Variants in KCNMA1 observed in about 807,000 individuals in gnomAD.
KCNMA1 encodes the protein Calcium-activated potassium channel subunit alpha-1.
Under a neutral mutation model 140.0 loss-of-function variants are expected in KCNMA1, and 29 were observed. The observed-to-expected ratio is 0.21, with a 90% CI of 0.15 to 0.28. The LOEUF (loss-of-function observed/expected upper bound fraction) is 0.28, where lower values mean the gene tolerates loss of function less well. KCNMA1 is among the 10% of genes least tolerant of loss of function. The pLI is 1.00. For missense variants in KCNMA1, 880 were observed against 1,602.2 expected (o/e 0.55, Z 7.70); for synonymous variants, 612 against 611.9 (o/e 1.00, Z 0.00).
intron 3 of KCNMA1, among the ~76,000 whole-genome samples, chr10:77,218,979 G>A (rs962781780): frequency 8.5e-5 from 13 of 152,218 alleles, no homozygotes; most frequent in African/African-American, 2.9e-4. Context: ...AAGCTACTGC[G>A]CCTGGCCTTA....
At chr10:76,967,177 C>G (rs1343185367) in intron 20 of KCNMA1, among the ~76,000 whole-genome samples, 3 of 152,166 alleles carry the variant, frequency 2.0e-5, no homozygotes, top group Non-Finnish European at 4.4e-5. Context: ...TGGAGCTATT[C>G]CTGTCACTGC....
chr10:76,909,333 C>T (rs908638978), intron 25 of KCNMA1, among the ~76,000 whole-genome samples: 46 of 152,180 alleles, frequency 3.0e-4, no homozygotes, highest in African/African-American at 1.1e-3. Flanking sequence ...GACCTCCTGC[C>T]GCCATCTTGT....
intron 5 of KCNMA1, among the ~76,000 whole-genome samples, chr10:77,137,459 G>A (rs2098068680): frequency 6.6e-6 from 1 of 152,176 alleles, no homozygotes; most frequent in African/African-American, 2.4e-5. Flanking sequence ...ACTGAGGGCA[G>A]GCATATCAGG....
At chr10:77,123,784 T>A (rs2616640) in intron 5 of KCNMA1, among the ~76,000 whole-genome samples, 1 of 151,904 alleles carries the variant, frequency 6.6e-6, no homozygotes, top group South Asian at 2.1e-4. Flanking sequence ...TATGACAATA[T>A]GTACCAGCAT....
At chr10:76,976,173 C>T (rs1211773899) in intron 19 of KCNMA1, among the ~76,000 whole-genome samples, 3 of 152,146 alleles carry the variant, frequency 2.0e-5, no homozygotes, top group Non-Finnish European at 2.9e-5. Flanking sequence ...CCTGTACTGC[C>T]CTAGGACAGG....
intron 1 of KCNMA1, among the ~76,000 whole-genome samples, chr10:77,552,079 C>T (rs2063000237): frequency 1.3e-5 from 2 of 152,044 alleles, no homozygotes; most frequent in South Asian, 4.2e-4. Flanking sequence ...GCATTTCTGA[C>T]CAGTAAGGAA....
At chr10:77,140,656 TC>T (rs1263573059) in intron 5 of KCNMA1, 1 of 152,314 alleles carries the variant, frequency 6.6e-6, no homozygotes, top group Non-Finnish European at 1.5e-5. Flanking sequence ...GTCACCAGCA[TC>T]TATGTCCTGG....
intron 14 of KCNMA1, among the ~76,000 whole-genome samples, chr10:77,058,062 A>G (rs1025620648): frequency 1.6e-5 from 2 of 128,218 alleles, no homozygotes; most frequent in Non-Finnish European, 3.8e-5. Context: ...AACAAAAAAG[A>G]GGAGAAAAGA....
chr10:77,538,478 C>T (rs938738610), intron 1 of KCNMA1, among the ~76,000 whole-genome samples: 1 of 152,146 alleles, frequency 6.6e-6, no homozygotes, highest in Non-Finnish European at 1.5e-5. Flanking sequence ...CCATCATTAC[C>T]CCCAGCTGGA....
rs540873852 is a variant in KCNMA1 at position 77,201,392 on chromosome 10, A to G, written c.603-16476T>C. On this transcript the variant is annotated intron_variant, in intron 3 of 27. Coordinates refer to ENST00000286628, the MANE Select transcript of KCNMA1 (RefSeq NM_001161352.2). The stretch of plus-strand genomic sequence containing the variant: ...TGTACAAATGCTAACACAGGGAAAA[A>G]GAACCCTCTATACATGGACTTACGG... 2.6e-5 allele frequency among the ~76,000 whole-genome samples: 4 copies of G among 152,330 alleles called. No individual in the cohort carries two copies. The East Asian group carries it at 5.8e-4, about 22-fold the overall frequency.
intron 25 of KCNMA1, among the ~76,000 whole-genome samples, chr10:76,898,798 T>C (rs1186195264): frequency 1.3e-5 from 2 of 151,920 alleles, no homozygotes; most frequent in Non-Finnish European, 2.9e-5. Context: ...CCTTTAATGC[T>C]ATTATTAAAT....
chr10:77,068,547 G>A (rs563235206), intron 14 of KCNMA1, among the ~76,000 whole-genome samples: 2 of 151,264 alleles, frequency 1.3e-5, no homozygotes, highest in South Asian at 2.1e-4. Context: ...TATTGTTATC[G>A]ATATTAAGTA....
chr10:77,508,576 C>CTTTTTTTT (rs2047061603), intron 1 of KCNMA1, among the ~76,000 whole-genome samples: 1 of 91,052 alleles, frequency 1.1e-5, no homozygotes, highest in Non-Finnish European at 1.9e-5. Flanking sequence ...TTTTTTTTTT[C>CTTTTTTTT]TTTTCTTTTT....
At chr10:77,585,898 T>C (rs893367699) in intron 1 of KCNMA1, among the ~76,000 whole-genome samples, 1 of 152,218 alleles carries the variant, frequency 6.6e-6, no homozygotes, top group Non-Finnish European at 1.5e-5. Context: ...AGCAGTGCTA[T>C]TTCTGTAGGG....
intron 22 of KCNMA1, among the ~76,000 whole-genome samples, chr10:76,945,466 T>C (rs1345111421): frequency 6.6e-6 from 1 of 152,082 alleles, no homozygotes; most frequent in East Asian, 1.9e-4. Flanking sequence ...CACAGAGTGA[T>C]GAGGTGGGCC....
intron 2 of KCNMA1, among the ~76,000 whole-genome samples, chr10:77,295,090 G>A (rs1315400794): frequency 6.6e-6 from 1 of 152,150 alleles, no homozygotes; most frequent in Non-Finnish European, 1.5e-5. Flanking sequence ...GCTCAGGACT[G>A]TAATCCCAGC....
At chr10:77,532,815 G>A (rs1274915206) in intron 1 of KCNMA1, among the ~76,000 whole-genome samples, 2 of 152,114 alleles carry the variant, frequency 1.3e-5, no homozygotes, top group Non-Finnish European at 2.9e-5. Context: ...CAGAATGCAA[G>A]TGAAAAAATC....
At chr10:76,982,367 T>A (rs78173575) in intron 19 of KCNMA1, among the ~76,000 whole-genome samples, 1,520 of 150,066 alleles carry the variant, frequency 0.01, 23 homozygotes, top group African/African-American at 0.035. Flanking sequence ...AGAAGACGAC[T>A]TGAAACAAGA....
chr10:77,334,563 C>T (rs1157564446), intron 2 of KCNMA1, among the ~76,000 whole-genome samples: 2 of 152,110 alleles, frequency 1.3e-5, no homozygotes, highest in Non-Finnish European at 2.9e-5. Flanking sequence ...AAACATTTAC[C>T]AACTGCCTGC....
Sources: allele counts gnomAD v4.1 joint callset (sites outside exome capture counted in the v4.1 genomes callset), GRCh38; gene constraint gnomAD v4.1.1; transcripts MANE v1.5; gene names NCBI Gene and HGNC (gene_info 2026-07-23, HGNC 2026-07-21).